KCNT2: variants seen among roughly 807,000 people sequenced by gnomAD.
The protein encoded by KCNT2 is potassium channel subfamily T member 2.
In KCNT2, 67 loss-of-function variants were observed where a neutral mutation model predicts 153.8. The ratio of observed to expected loss-of-function variants is 0.44; its 90% CI spans 0.36 to 0.53. The LOEUF (loss-of-function observed/expected upper bound fraction) is 0.53. KCNT2 is among the 20% of genes least tolerant of loss of function. KCNT2 has a pLI of 0.00. For missense variants in KCNT2, 975 were observed against 1,354.8 expected (o/e 0.72, Z 4.40); for synonymous variants, 500 against 458.8 (o/e 1.09, Z -1.15).
At chr1:196,337,492 C>G (rs1558162984) in intron 16 of KCNT2, among the ~76,000 whole-genome samples, 1 of 152,130 alleles carries the variant, frequency 6.6e-6, no homozygotes, top group East Asian at 1.9e-4. Context: ...AGCTGCAATC[C>G]CATATGGACT....
rs1334061526 is a variant in KCNT2 at position 196,235,827 on chromosome 1, C to G, written c.3296+159G>C. 3.3e-5 allele frequency among the ~76,000 whole-genome samples: 5 copies of G among 151,346 alleles called. 1 individual carries two copies. The highest frequency in any genetic ancestry group is 4.1e-4 in the South Asian group (2 of 4,828). On this transcript the variant is annotated intron_variant, in intron 27 of 27. Coordinates refer to ENST00000294725, the MANE Select transcript of KCNT2 (RefSeq NM_198503.5). The stretch of plus-strand genomic sequence containing the variant: ...AACAATCATATTTTTATATTGCACA[C>G]AACACATGAAATGCATTTGTTTATT...
chr1:196,571,061 T>C (rs561852111), intron 1 of KCNT2, among the ~76,000 whole-genome samples: 3 of 152,196 alleles, frequency 2.0e-5, no homozygotes, highest in African/African-American at 2.4e-5. Flanking sequence ...GTAAGCCCCA[T>C]AAAGGCAGAA....
intron 5 of KCNT2, among the ~76,000 whole-genome samples, chr1:196,476,092 G>A (rs1049564031): frequency 6.6e-6 from 1 of 152,110 alleles, no homozygotes; most frequent in Non-Finnish European, 1.5e-5. Context: ...TTTAAAATTA[G>A]TGCTAAGAGT....
chr1:196,284,248 A>AAAAAAAAAAAAAAATATATATATAT, intron 23 of KCNT2, among the ~76,000 whole-genome samples: 2 of 10,050 alleles, frequency 2.0e-4, no homozygotes, highest in Non-Finnish European at 5.3e-4. Context: ...AAAAAAAAAA[A>AAAAAAAAAAAAAAATATATATATAT]ATATATATAT....
intron 13 of KCNT2, 52 bp downstream of exon 13, chr1:196,398,511 A>G (rs1057001660): frequency 1.1e-6 from 1 of 930,498 alleles, no homozygotes; most frequent in Non-Finnish European, 1.7e-6. Flanking sequence ...CCCTTAAGCC[A>G]CTATAGGAGT....
intron 25 of KCNT2, among the ~76,000 whole-genome samples, chr1:196,262,189 C>T (rs1657089724): frequency 6.6e-6 from 1 of 151,878 alleles, no homozygotes. Flanking sequence ...ACTCTTTTCC[C>T]TACTCTTCAC....
intron 8 of KCNT2, among the ~76,000 whole-genome samples, chr1:196,430,204 A>G (rs961407821): frequency 3.3e-5 from 5 of 151,966 alleles, no homozygotes; most frequent in Admixed American, 6.6e-5. Flanking sequence ...GGAGTTAACA[A>G]TTGCCAAATG....
chr1:196,526,313 CAT>C (rs1329224860), intron 1 of KCNT2, among the ~76,000 whole-genome samples: 1 of 150,406 alleles, frequency 6.6e-6, no homozygotes, highest in East Asian at 1.9e-4. Context: ...ATATATAAAT[CAT>C]ATAAAATATA....
intron 22 of KCNT2, among the ~76,000 whole-genome samples, chr1:196,304,582 C>CTT (rs1661460749): frequency 6.6e-6 from 1 of 152,120 alleles, no homozygotes; most frequent in Non-Finnish European, 1.5e-5. Context: ...TCTCTCAGTA[C>CTT]ACTACTATTT....
intron 26 of KCNT2, among the ~76,000 whole-genome samples, chr1:196,250,436 G>A (rs759728843): frequency 5.3e-5 from 8 of 152,104 alleles, no homozygotes; most frequent in Non-Finnish European, 1.5e-5. Flanking sequence ...ATATGTGGAA[G>A]AATGAAGCTA....
chr1:196,257,681 G>A, intron 26 of KCNT2: 1 of 980,062 alleles, frequency 1.0e-6, no homozygotes, highest in South Asian at 4.7e-5. Flanking sequence ...TATTGAGACA[G>A]ATTGGCACTA....
intron 1 of KCNT2, among the ~76,000 whole-genome samples, chr1:196,581,581 G>T (rs543966020): frequency 6.6e-6 from 1 of 151,828 alleles, no homozygotes; most frequent in Non-Finnish European, 1.5e-5. Flanking sequence ...AGTCCTCTCA[G>T]TGGCCGACTC....
chr1:196,280,006 C>CA (rs777606436), intron 25 of KCNT2, among the ~76,000 whole-genome samples: 13 of 149,370 alleles, frequency 8.7e-5, no homozygotes, highest in Admixed American at 2.7e-4. Context: ...TGTATCAGAC[C>CA]AAAAAAAATG....
At chr1:196,385,779 A>T (rs1314706175) in intron 13 of KCNT2, among the ~76,000 whole-genome samples, 1 of 136,132 alleles carries the variant, frequency 7.3e-6, no homozygotes, top group Non-Finnish European at 1.6e-5. Context: ...AAAAATATAT[A>T]TATATATATA....
At chr1:196,258,792 T>C in intron 25 of KCNT2, 1 of 326,956 alleles carries the variant, frequency 3.1e-6, no homozygotes, top group Non-Finnish European at 5.8e-6. Flanking sequence ...TTATTTATGA[T>C]ATTACTAGCA....
Position 196,226,786 on chromosome 1 carries a change from C to T in KCNT2, c.*1438G>A, listed in dbSNP as rs964679749. The T allele has an allele frequency of 6.6e-6, 1 of 151,712 alleles. No individual in the cohort carries two copies. Among genetic ancestry groups the T allele is most frequent in the Non-Finnish European group, 1.5e-5 (1 of 67,768 alleles). 9.4% of individuals were successfully genotyped at this position (151,712 alleles called of 1,614,324 possible). On this transcript the variant is annotated 3_prime_UTR_variant, in exon 28 of 28. Coordinates refer to ENST00000294725, the MANE Select transcript of KCNT2 (RefSeq NM_198503.5). ...TTATGAAAAGAAAGGAAAAAAAGTC[C>T]CTTTCTAGTTTTATATGTATTTTTT...
intron 1 of KCNT2, among the ~76,000 whole-genome samples, chr1:196,581,530 C>T (rs561924420): frequency 7.5e-4 from 114 of 152,028 alleles, no homozygotes; most frequent in Non-Finnish European, 1.3e-3. Flanking sequence ...TTCCCTGAGG[C>T]TATTCCAAAA....
intron 18 of KCNT2, among the ~76,000 whole-genome samples, chr1:196,327,355 T>C (rs565706500): frequency 1.5e-4 from 23 of 150,804 alleles, no homozygotes; most frequent in Non-Finnish European, 2.8e-4. Context: ...ACTGTCTACA[T>C]GCATATTTGA....
At chr1:196,501,597 G>T (rs1680702537) in intron 1 of KCNT2, among the ~76,000 whole-genome samples, 1 of 152,032 alleles carries the variant, frequency 6.6e-6, no homozygotes, top group Non-Finnish European at 1.5e-5. Context: ...TCAAAAGGTG[G>T]GCAGGTGGGA....
Sources: gnomAD v4.1 joint callset for allele counts (sites outside exome capture counted in the v4.1 genomes callset) on GRCh38, gnomAD v4.1.1 for gene constraint, MANE v1.5 for transcripts, NCBI Gene and HGNC (gene_info 2026-07-23, HGNC 2026-07-21) for gene names.